LRP1B: variants seen among roughly 807,000 people sequenced by gnomAD.
LRP1B encodes the protein low-density lipoprotein receptor-related protein 1B.
Under a neutral mutation model 556.6 loss-of-function variants are expected in LRP1B, and 217 were observed. The observed-to-expected ratio is 0.39, with a 90% CI of 0.35 to 0.44. The LOEUF (loss-of-function observed/expected upper bound fraction) is 0.44, where lower values mean the gene tolerates loss of function less well. LRP1B is among the 20% of genes least tolerant of loss of function. The pLI is 1.00. For synonymous variants in LRP1B, 2,047 were observed against 1,865.8 expected, an observed-to-expected ratio of 1.10 and a Z score of -2.50; for missense variants, 5,053 against 5,620.8, an observed-to-expected ratio of 0.90 and a Z score of 3.23.
chr2:142,005,748 A>T (rs1451769625), intron 1 of LRP1B, among the ~76,000 whole-genome samples: 1 of 152,130 alleles, frequency 6.6e-6, no homozygotes, highest in Non-Finnish European at 1.5e-5. Context: ...TGAAAAGCCT[A>T]ATCTTATTTC....
At chr2:140,791,347 T>A (rs1690112951) in intron 32 of LRP1B, among the ~76,000 whole-genome samples, 1 of 152,082 alleles carries the variant, frequency 6.6e-6, no homozygotes, top group Non-Finnish European at 1.5e-5. Flanking sequence ...GAGAATCACC[T>A]GAGCCCAGGG....
chr2:141,092,629 A>G (rs1257952230), intron 7 of LRP1B, among the ~76,000 whole-genome samples: 2 of 152,202 alleles, frequency 1.3e-5, no homozygotes, highest in African/African-American at 4.8e-5. Flanking sequence ...ACAGTTTGCC[A>G]GTGATGGATG....
intron 15 of LRP1B, among the ~76,000 whole-genome samples, chr2:141,004,158 G>A (rs564027727): frequency 5.2e-4 from 79 of 152,050 alleles, no homozygotes; most frequent in Non-Finnish European, 9.4e-4. Context: ...TACACGAAAT[G>A]TTTATTCAGC....
chr2:140,334,025 A>C (rs6761175), intron 79 of LRP1B, among the ~76,000 whole-genome samples: 9,942 of 151,414 alleles, frequency 0.066, 413 homozygotes, highest in African/African-American at 0.12. Context: ...CAAAACAAAA[A>C]AAAAAACACC....
In LRP1B at chr2:141,722,200, A is replaced by T. The variant is rs371143212; in HGVS notation, c.205+88079T>A. Among the ~76,000 whole-genome samples the T allele has an allele frequency of 4.6e-5, 7 of 152,270 alleles. No individual in the cohort carries two copies. In the South Asian group the frequency reaches 1.2e-3, roughly 27 times the overall value. The stretch of plus-strand genomic sequence containing the variant: ...CGAGGCCAACCTGGCCAACATGGTG[A>T]AACCCCATCTCTATTAAAAATACAA... On this transcript the variant is annotated intron_variant, in intron 2 of 90. Transcript: ENST00000389484.
intron 3 of LRP1B, among the ~76,000 whole-genome samples, chr2:141,295,625 T>C (rs751586107): frequency 1.3e-5 from 2 of 152,118 alleles, no homozygotes; most frequent in Non-Finnish European, 2.9e-5. Context: ...AGTAGGACAC[T>C]GGTAAATTAG....
chr2:140,350,471 T>C (rs1051600029), intron 77 of LRP1B, among the ~76,000 whole-genome samples: 5 of 152,004 alleles, frequency 3.3e-5, no homozygotes, highest in Non-Finnish European at 7.4e-5. Context: ...TTTCCCAATC[T>C]CATCTCATGA....
intron 2 of LRP1B, among the ~76,000 whole-genome samples, chr2:141,566,852 C>T (rs541143128): frequency 6.6e-6 from 1 of 151,916 alleles, no homozygotes; most frequent in East Asian, 1.9e-4. Flanking sequence ...GACTGAGACT[C>T]CCATCTCTTA....
chr2:141,326,048 A>T (rs1687414860), intron 3 of LRP1B, among the ~76,000 whole-genome samples: 1 of 152,156 alleles, frequency 6.6e-6, no homozygotes, highest in Non-Finnish European at 1.5e-5. Flanking sequence ...ACTTGTGATG[A>T]TTATGTAAAA....
chr2:140,613,263 T>C (rs1429081960), intron 41 of LRP1B, among the ~76,000 whole-genome samples: 1 of 144,324 alleles, frequency 6.9e-6, no homozygotes, highest in African/African-American at 2.5e-5. Context: ...ATAATTATGT[T>C]ATATATAATT....
chr2:141,578,419 A>G (rs1159802188), intron 2 of LRP1B, among the ~76,000 whole-genome samples: 1 of 151,696 alleles, frequency 6.6e-6, no homozygotes, highest in Admixed American at 6.6e-5. Context: ...AAAGAAAAAA[A>G]GAAAAAAAAA....
intron 3 of LRP1B, among the ~76,000 whole-genome samples, chr2:141,309,712 C>A (rs574818828): frequency 6.6e-6 from 1 of 151,838 alleles, no homozygotes; most frequent in Non-Finnish European, 1.5e-5. Context: ...AGGGCCAGTT[C>A]GGGGGTAGAG....
chr2:141,122,405 GAA>G (rs56871197), intron 7 of LRP1B, among the ~76,000 whole-genome samples: 5,712 of 144,640 alleles, frequency 0.039, 298 homozygotes, highest in East Asian at 0.16. Context: ...AAACTTACAA[GAA>G]AAAAAAAAAA....
chr2:140,391,759 G>A (rs1445384622), intron 66 of LRP1B, among the ~76,000 whole-genome samples: 2 of 151,922 alleles, frequency 1.3e-5, no homozygotes, highest in Non-Finnish European at 2.9e-5. Context: ...ATAAGTCATA[G>A]CAAAAAAAAG....
At chr2:142,001,687 C>A (rs1415996503) in intron 1 of LRP1B, among the ~76,000 whole-genome samples, 1 of 152,120 alleles carries the variant, frequency 6.6e-6, no homozygotes, top group African/African-American at 2.4e-5. Context: ...TTGATGTTTT[C>A]AGGAATATAT....
chr2:140,615,609 G>T (rs1683226727), intron 41 of LRP1B, among the ~76,000 whole-genome samples: 1 of 151,994 alleles, frequency 6.6e-6, no homozygotes. Context: ...ATTTGTGGTT[G>T]GGGGAGAGAG....
chr2:141,229,826 C>T (rs1008427099), intron 5 of LRP1B, among the ~76,000 whole-genome samples: 2 of 152,006 alleles, frequency 1.3e-5, no homozygotes, highest in South Asian at 4.1e-4. Context: ...TTTTTTGAGT[C>T]GAATGTATGA....
At chr2:141,596,161 G>A (rs984690591) in intron 2 of LRP1B, among the ~76,000 whole-genome samples, 1 of 151,810 alleles carries the variant, frequency 6.6e-6, no homozygotes, top group African/African-American at 2.4e-5. Flanking sequence ...TAGCTACTCC[G>A]ATCCTTACCC....
intron 2 of LRP1B, among the ~76,000 whole-genome samples, chr2:141,715,315 C>CA (rs113975692): frequency 0.11 from 16,700 of 151,686 alleles, 1,786 homozygotes; most frequent in African/African-American, 0.27. Flanking sequence ...AAACAAAAGT[C>CA]AAAAAATCAG....
Sources: allele counts gnomAD v4.1 joint callset (sites outside exome capture counted in the v4.1 genomes callset), GRCh38; gene constraint gnomAD v4.1.1; transcripts MANE v1.5; gene names NCBI Gene and HGNC (gene_info 2026-07-23, HGNC 2026-07-21).